NEDD4: variants seen among roughly 807,000 people sequenced by gnomAD.
NEDD4 encodes the protein E3 ubiquitin-protein ligase NEDD4.
Under a neutral mutation model 144.9 loss-of-function variants are expected in NEDD4, and 99 were observed. The observed-to-expected ratio is 0.68, with a 90% CI of 0.58 to 0.81. The LOEUF is 0.81. Among genes scored for constraint, NEDD4 ranks in the 30% least tolerant of loss-of-function variants. NEDD4 has a pLI of 0.00. For synonymous variants in NEDD4, 318 were observed against 350.6 expected (o/e 0.91, Z 1.04); for missense variants, 985 against 1,065.9 (o/e 0.92, Z 1.06).
intron 4 of NEDD4, among the ~76,000 whole-genome samples, chr15:55,942,557 T>C (rs1160407266): frequency 6.6e-6 from 1 of 152,180 alleles, no homozygotes; most frequent in Non-Finnish European, 1.5e-5. Context: ...TAGATGAGCC[T>C]GCTTCCCCTT....
chr15:55,859,400 G>A (rs2034315387), intron 11 of NEDD4, among the ~76,000 whole-genome samples: 1 of 152,068 alleles, frequency 6.6e-6, no homozygotes, highest in East Asian at 1.9e-4. Flanking sequence ...GTGATATAAT[G>A]TTAAAACTTC....
chr15:55,916,885 T>G, intron 5 of NEDD4: 1 of 1,534,230 alleles, frequency 6.5e-7, no homozygotes, highest in Non-Finnish European at 8.8e-7. Context: ...AAGATCTCTG[T>G]CCGTAGACAG....
chr15:55,869,035 A>G (rs998374961), intron 8 of NEDD4, among the ~76,000 whole-genome samples: 1 of 152,152 alleles, frequency 6.6e-6, no homozygotes, highest in Non-Finnish European at 1.5e-5. Context: ...CTCCAGATGC[A>G]TGTAACTCTA....
intron 1 of NEDD4, among the ~76,000 whole-genome samples, chr15:55,990,719 C>T (rs2037977121): frequency 6.6e-6 from 1 of 152,112 alleles, no homozygotes; most frequent in Admixed American, 6.5e-5. Context: ...TTTCCCACCT[C>T]CATATCACAG....
At chr15:55,927,968 G>C (rs963186747) in intron 4 of NEDD4, among the ~76,000 whole-genome samples, 2 of 152,168 alleles carry the variant, frequency 1.3e-5, no homozygotes, top group Non-Finnish European at 2.9e-5. Context: ...CTAATCTGCT[G>C]TCCTGGTTCA....
At chr15:55,847,659 A>AT (rs148397282) in intron 17 of NEDD4, among the ~76,000 whole-genome samples, 3,019 of 146,400 alleles carry the variant, frequency 0.021, 109 homozygotes, top group African/African-American at 0.072. Flanking sequence ...ATTTACAATG[A>AT]TTTCTTTTTC....
At chr15:55,891,979 T>G (rs185224745) in intron 5 of NEDD4, among the ~76,000 whole-genome samples, 12 of 152,162 alleles carry the variant, frequency 7.9e-5, no homozygotes, top group Non-Finnish European at 1.5e-4. Context: ...TAAATATGAA[T>G]TATAGGCTGG....
intron 4 of NEDD4, among the ~76,000 whole-genome samples, chr15:55,947,037 T>C (rs1362701076): frequency 6.6e-6 from 1 of 152,124 alleles, no homozygotes; most frequent in Non-Finnish European, 1.5e-5. Flanking sequence ...TAGCACTAAA[T>C]GCCCACAAGA....
chr15:55,953,743 A>C (rs2037287426), intron 2 of NEDD4, among the ~76,000 whole-genome samples: 1 of 147,814 alleles, frequency 6.8e-6, no homozygotes, highest in African/African-American at 2.5e-5. Flanking sequence ...TGCCCGGCTT[A>C]AACTCTCTTG....
intron 9 of NEDD4, 113 bp from the exon 10 acceptor site, chr15:55,860,891 T>C (rs1477805381): frequency 6.7e-6 from 6 of 902,032 alleles, no homozygotes; most frequent in East Asian, 2.4e-5. Context: ...AAAAAATTTA[T>C]TGTCTTTGAC....
chr15:55,925,225 G>A (rs1324543098), intron 4 of NEDD4, among the ~76,000 whole-genome samples: 1 of 152,212 alleles, frequency 6.6e-6, no homozygotes, highest in East Asian at 1.9e-4. Flanking sequence ...GAATCTGGTT[G>A]TTTATTTTTC....
At chr15:55,947,748 A>G (rs2037149323) in intron 4 of NEDD4, among the ~76,000 whole-genome samples, 1 of 152,234 alleles carries the variant, frequency 6.6e-6, no homozygotes, top group African/African-American at 2.4e-5. Context: ...ACAAAATTCA[A>G]CAGCCCTTCA....
At chr15:55,986,406 T>C (rs531783994) in intron 1 of NEDD4, among the ~76,000 whole-genome samples, 2 of 152,176 alleles carry the variant, frequency 1.3e-5, no homozygotes, top group South Asian at 4.2e-4. Flanking sequence ...TCACTGACAG[T>C]GTTGGGACAA....
rs900407738 is a variant in NEDD4, at chr15:55,961,230, T to C, written c.119+5243A>G. ...CCATGAAAGGCACACTGTAAACATC[T>C]ATGTCCAAATTCCTAGAGTCTCATC... On this transcript the variant is annotated intron_variant, in intron 2 of 28. Coordinates refer to ENST00000435532, the MANE Select transcript of NEDD4 (RefSeq NM_006154.4). Among the ~76,000 whole-genome samples, 5 of 152,142 alleles carry C rather than the reference T, an allele frequency of 3.3e-5. No homozygotes were observed. In the South Asian group the frequency reaches 6.2e-4, roughly 19 times the overall value.
At chr15:55,889,955 G>A (rs942473452) in intron 5 of NEDD4, among the ~76,000 whole-genome samples, 3 of 151,880 alleles carry the variant, frequency 2.0e-5, no homozygotes, top group Admixed American at 2.0e-4. Flanking sequence ...TGCCCACATC[G>A]GCCTCCCAAA....
At chr15:55,864,448 G>A (rs546727389) in intron 8 of NEDD4, among the ~76,000 whole-genome samples, 128 of 151,938 alleles carry the variant, frequency 8.4e-4, no homozygotes, top group African/African-American at 2.9e-3. Context: ...TTGGGAGGCC[G>A]AGGCGGGCAG....
chr15:55,856,348 C>T (rs2034194768), intron 11 of NEDD4, 152 bp from the exon 12 acceptor site: 16 of 668,360 alleles, frequency 2.4e-5, no homozygotes, highest in Non-Finnish European at 3.3e-5. Flanking sequence ...GTCATGTGGT[C>T]GCTCTCAGCC....
intron 1 of NEDD4, among the ~76,000 whole-genome samples, chr15:55,967,717 C>A (rs1187708539): frequency 6.6e-6 from 1 of 151,672 alleles, no homozygotes; most frequent in African/African-American, 2.4e-5. Context: ...AAAAAAACTT[C>A]ATAGATAACA....
chr15:55,830,009 C>G lies in NEDD4; in HGVS notation c.2601-10G>C, dbSNP rs530696318. 1.6e-5 allele frequency: 25 copies of G among 1,600,202 alleles called. No individual in the cohort carries two copies. The South Asian group carries it at 2.8e-4, about 18-fold the overall frequency. On this transcript the variant is annotated splice_polypyrimidine_tract_variant and intron_variant, in intron 28 of 28. Transcript: ENST00000435532. The stretch of plus-strand genomic sequence containing the variant: ...GTCCAGGCGATTAAAACTGAAAGAA[C>G]AGAGAGGAAGTGGTTATGAAAGACA...
Sources: gnomAD v4.1 joint callset for allele counts (sites outside exome capture counted in the v4.1 genomes callset) on GRCh38, gnomAD v4.1.1 for gene constraint, MANE v1.5 for transcripts, NCBI Gene and HGNC (gene_info 2026-07-23, HGNC 2026-07-21) for gene names.